Variants in SHANK2 observed in about 807,000 individuals in gnomAD.
SHANK2 encodes the protein SH3 and multiple ankyrin repeat domains protein 2.
Under a neutral mutation model 133.7 loss-of-function variants are expected in SHANK2, and 43 were observed. The observed-to-expected ratio is 0.32, with a 90% CI of 0.25 to 0.41. The LOEUF (loss-of-function observed/expected upper bound fraction) is 0.41. SHANK2 is among the 10% of genes least tolerant of loss of function. The pLI, the probability that SHANK2 is intolerant of heterozygous loss-of-function variation, is 1.00. For missense variants in SHANK2, 1,994 were observed against 2,235.8 expected, an observed-to-expected ratio of 0.89 and a Z score of 2.18; for synonymous variants, 1,017 against 952.8, an observed-to-expected ratio of 1.07 and a Z score of -1.24.
intron 17 of SHANK2, among the ~76,000 whole-genome samples, chr11:70,579,813 T>C (rs2060161250): frequency 1.3e-5 from 2 of 152,114 alleles, no homozygotes; most frequent in African/African-American, 4.8e-5. Context: ...AGCGTCCTGA[T>C]AAGTGGAGGA....
intron 25 of SHANK2, among the ~76,000 whole-genome samples, chr11:70,475,960 G>A (rs931246393): frequency 1.3e-5 from 2 of 152,112 alleles, no homozygotes; most frequent in Non-Finnish European, 2.9e-5. Context: ...GGTGGCTCAC[G>A]CCTGTAATCC....
chr11:70,850,413 G>A (rs1026973196), intron 11 of SHANK2, among the ~76,000 whole-genome samples: 9 of 152,118 alleles, frequency 5.9e-5, no homozygotes, highest in African/African-American at 2.2e-4. Flanking sequence ...TTACCCAAAT[G>A]AGATGCTCAT....
At chr11:70,877,937 A>C (rs1949595167) in intron 11 of SHANK2, among the ~76,000 whole-genome samples, 1 of 152,218 alleles carries the variant, frequency 6.6e-6, no homozygotes, top group Admixed American at 6.5e-5. Context: ...GGCAGAAGCC[A>C]TATTGGTTGG....
At chr11:70,925,500 T>C (rs1950415700) in intron 10 of SHANK2, among the ~76,000 whole-genome samples, 1 of 152,224 alleles carries the variant, frequency 6.6e-6, no homozygotes, top group Admixed American at 6.5e-5. Flanking sequence ...GACATGCACC[T>C]GTGCAAAAGT....
intron 25 of SHANK2, among the ~76,000 whole-genome samples, chr11:70,476,561 A>G (rs1018354893): frequency 6.6e-6 from 1 of 152,190 alleles, no homozygotes; most frequent in Admixed American, 6.5e-5. Flanking sequence ...AGCCAAGATG[A>G]TTGAAATCAA....
intron 21 of SHANK2, among the ~76,000 whole-genome samples, chr11:70,493,464 A>ATT (rs34242934): frequency 0.26 from 36,771 of 140,142 alleles, 5,379 homozygotes; most frequent in Non-Finnish European, 0.34. Context: ...TTTGCAGCAC[A>ATT]TTTTTTTTTT....
intron 11 of SHANK2, among the ~76,000 whole-genome samples, chr11:70,877,738 G>C (rs1280422254): frequency 3.3e-5 from 5 of 152,330 alleles, no homozygotes; most frequent in Middle Eastern, 3.4e-3. Flanking sequence ...CAAGGAGTAA[G>C]AAGCTTACTT....
chr11:70,802,612 C>T (rs1308973707), intron 13 of SHANK2, among the ~76,000 whole-genome samples: 2 of 152,182 alleles, frequency 1.3e-5, no homozygotes, highest in Non-Finnish European at 2.9e-5. Flanking sequence ...TATCCTTCTG[C>T]TTAAATTGAC....
At chr11:70,558,624 C>T (rs1056393107) in intron 17 of SHANK2, among the ~76,000 whole-genome samples, 4 of 152,192 alleles carry the variant, frequency 2.6e-5, no homozygotes, top group South Asian at 4.1e-4. Context: ...TGGGAGGCCA[C>T]GTGGGGAGGT....
intron 12 of SHANK2, among the ~76,000 whole-genome samples, chr11:70,816,772 C>T (rs1948407035): frequency 6.6e-6 from 1 of 152,208 alleles, no homozygotes; most frequent in African/African-American, 2.4e-5. Flanking sequence ...GAGCGTTTCC[C>T]TATCTCAATA....
chr11:70,811,611 CATCTACCTATCCAT>C (rs1948280652), intron 12 of SHANK2, among the ~76,000 whole-genome samples: 2 of 150,796 alleles, frequency 1.3e-5, no homozygotes, highest in African/African-American at 4.9e-5. Context: ...ATCCACTCAT[CATCTACCTATCCAT>C]CATCCATCCA....
At chr11:71,190,490 CAGA>C (rs1953770593) in intron 2 of SHANK2, among the ~76,000 whole-genome samples, 1 of 152,146 alleles carries the variant, frequency 6.6e-6, no homozygotes. Flanking sequence ...TACCACTTCT[CAGA>C]AGAAGTGTGG....
chr11:71,175,369 G>T lies in SHANK2; in HGVS notation c.-12-28031C>A, dbSNP rs1405412408. Among the ~76,000 whole-genome samples the T allele has an allele frequency of 3.3e-5, 5 of 152,146 alleles. No individual in the cohort carries two copies. The highest frequency in any genetic ancestry group is 7.4e-5 in the Non-Finnish European group (5 of 68,024). ...GTGGTGTCAGTGAGAAACCAAGGCT[G>T]CTGCTGGGTGGTCCTGTGGACACCG... is the stretch of plus-strand genomic sequence containing the variant. On this transcript the variant is annotated intron_variant, in intron 2 of 25. Transcript: ENST00000601538. The surrounding 1 kb of genome is among the most constrained non-coding windows in gnomAD (Gnocchi z 4.2).
chr11:70,764,465 T>G (rs1403266642), intron 14 of SHANK2, among the ~76,000 whole-genome samples: 8 of 141,500 alleles, frequency 5.7e-5, no homozygotes, highest in Admixed American at 1.4e-4. Flanking sequence ...CATCCATCCA[T>G]TCACACATCA....
chr11:70,859,553 A>G (rs1414832892), intron 11 of SHANK2, among the ~76,000 whole-genome samples: 1 of 152,092 alleles, frequency 6.6e-6, no homozygotes, highest in Non-Finnish European at 1.5e-5. Flanking sequence ...ATAGGTAGAT[A>G]GGTGGGGATG....
chr11:70,799,226 C>G (rs921616723), intron 13 of SHANK2, among the ~76,000 whole-genome samples: 1 of 152,008 alleles, frequency 6.6e-6, no homozygotes, highest in Non-Finnish European at 1.5e-5. Context: ...AGCCAAACCG[C>G]GTCTCTACTA....
intron 17 of SHANK2, among the ~76,000 whole-genome samples, chr11:70,557,149 CTCAT>C (rs56238037): frequency 0.35 from 52,070 of 150,672 alleles, 9,305 homozygotes; most frequent in East Asian, 0.47. Flanking sequence ...CACTAAAAGC[CTCAT>C]TCATTCATTC....
chr11:70,706,609 T>A (rs1380933860), intron 14 of SHANK2, among the ~76,000 whole-genome samples: 1 of 151,908 alleles, frequency 6.6e-6, no homozygotes, highest in Non-Finnish European at 1.5e-5. Flanking sequence ...ACCCGACACA[T>A]CCCTCTGGGT....
chr11:70,913,411 G>A (rs969505904), intron 10 of SHANK2, among the ~76,000 whole-genome samples: 5 of 151,730 alleles, frequency 3.3e-5, no homozygotes, highest in Non-Finnish European at 5.9e-5. Flanking sequence ...CAATTCCTCC[G>A]GGAACAAAAA....
Sources: gnomAD v4.1 joint callset for allele counts (sites outside exome capture counted in the v4.1 genomes callset) on GRCh38, gnomAD v4.1.1 for gene constraint, Gnocchi (gnomAD v3.1) non-coding constraint, MANE v1.5 for transcripts, NCBI Gene and HGNC (gene_info 2026-07-23, HGNC 2026-07-21) for gene names.